Variants in OXSR1 observed in about 807,000 individuals in gnomAD.
OXSR1 encodes oxidative stress responsive kinase 1, also known as serine/threonine-protein kinase OSR1.
Under a neutral mutation model 79.8 loss-of-function variants are expected in OXSR1, and 24 were observed. The ratio of observed to expected loss-of-function variants is 0.30; its 90% CI spans 0.22 to 0.42. The LOEUF (loss-of-function observed/expected upper bound fraction) is 0.42, where lower values mean the gene tolerates loss of function less well. OXSR1 is among the 10% of genes least tolerant of loss of function. OXSR1 has a pLI of 1.00. For synonymous variants in OXSR1, 226 were observed against 209.2 expected (o/e 1.08, Z -0.69); for missense variants, 430 against 618.4 (o/e 0.70, Z 3.23).
intron 2 of OXSR1, among the ~76,000 whole-genome samples, chr3:38,186,709 G>T (rs1701892513): frequency 6.6e-6 from 1 of 152,066 alleles, no homozygotes; most frequent in South Asian, 2.1e-4. Flanking sequence ...CCTTTCATCA[G>T]TTGTTGGGCA....
At chr3:38,225,289 T>A (rs1304900531) in intron 8 of OXSR1, among the ~76,000 whole-genome samples, 1 of 152,148 alleles carries the variant, frequency 6.6e-6, no homozygotes, top group African/African-American at 2.4e-5. Context: ...CACTTGATAC[T>A]TAGTCATAGG....
intron 3 of OXSR1, among the ~76,000 whole-genome samples, chr3:38,194,480 G>T (rs894343568): frequency 6.6e-6 from 1 of 152,148 alleles, no homozygotes; most frequent in African/African-American, 2.4e-5. Context: ...TAAGGTTACG[G>T]CAAGCCATGA....
At chr3:38,251,360 A>G in intron 15 of OXSR1, 43 bp from the exon 16 acceptor site, 1 of 1,519,326 alleles carries the variant, frequency 6.6e-7, no homozygotes, top group Non-Finnish European at 9.1e-7. Flanking sequence ...AACAGTGGCA[A>G]GCACGCACAA....
At chr3:38,242,426 G>A (rs1044014611) in intron 11 of OXSR1, among the ~76,000 whole-genome samples, 2 of 152,094 alleles carry the variant, frequency 1.3e-5, no homozygotes, top group Non-Finnish European at 2.9e-5. Context: ...ATATGTTCAC[G>A]ATTAGTAGAA....
In OXSR1 at chr3:38,246,119, A is replaced by G; in HGVS notation, c.1155A>G (p.Pro385=). The G allele has an allele frequency of 1.2e-6, 2 of 1,613,832 alleles. No homozygotes were observed. The highest frequency in any genetic ancestry group is 2.2e-5 in the East Asian group (1 of 44,878). Residue 385 remains proline (P), a synonymous_variant, in exon 13 of 18, where the codon CCA becomes CCG. Coordinates refer to ENST00000311806, the MANE Select transcript of OXSR1 (RefSeq NM_005109.3). ...TDPVGTLLQV[P]EQISAHLPQP... ...CTGTGGGTACTTTGCTCCAAGTTCC[A>G]GAACAGATCTCTGCTCATCTACCTC...
At chr3:38,206,629 T>C (rs1702268552) in intron 4 of OXSR1, among the ~76,000 whole-genome samples, 1 of 152,190 alleles carries the variant, frequency 6.6e-6, no homozygotes, top group South Asian at 2.1e-4. Flanking sequence ...TTCATCGGTG[T>C]TCTGAAGTAA....
chr3:38,176,421 G>C (rs1559500127), intron 1 of OXSR1, among the ~76,000 whole-genome samples: 1 of 152,138 alleles, frequency 6.6e-6, no homozygotes, highest in Non-Finnish European at 1.5e-5. Context: ...TTTCTGTGAA[G>C]TAAATTTTTT....
At chr3:38,210,637 A>T (rs944328036) in intron 4 of OXSR1, among the ~76,000 whole-genome samples, 1 of 152,020 alleles carries the variant, frequency 6.6e-6, no homozygotes, top group South Asian at 2.1e-4. Flanking sequence ...TGTCAACTAC[A>T]ATTTAAGTTT....
At chr3:38,188,065 AG>A (rs1293016349) in intron 2 of OXSR1, among the ~76,000 whole-genome samples, 1 of 152,212 alleles carries the variant, frequency 6.6e-6, no homozygotes, top group Non-Finnish European at 1.5e-5. Context: ...AAGGAATAGA[AG>A]GCAAGAAAAA....
At chr3:38,175,829 A>C (rs1701667415) in intron 1 of OXSR1, among the ~76,000 whole-genome samples, 1 of 152,214 alleles carries the variant, frequency 6.6e-6, no homozygotes, top group Non-Finnish European at 1.5e-5. Context: ...AGGAGAGGAC[A>C]GAAGAAGAGT....
intron 17 of OXSR1, 97 bp downstream of exon 17, chr3:38,252,489 A>C (rs1703278555): frequency 1.1e-6 from 1 of 877,696 alleles, no homozygotes; most frequent in Non-Finnish European, 2.0e-6. Flanking sequence ...TGAGAATATT[A>C]AAATGTGGTG....
intron 1 of OXSR1, among the ~76,000 whole-genome samples, chr3:38,174,273 C>G (rs1207351397): frequency 1.3e-5 from 2 of 152,136 alleles, no homozygotes; most frequent in African/African-American, 4.8e-5. Context: ...TTAACGTGAC[C>G]TGACTTTCGT....
At chr3:38,212,657 C>T (rs141022483) in intron 4 of OXSR1, among the ~76,000 whole-genome samples, 26 of 152,226 alleles carry the variant, frequency 1.7e-4, no homozygotes, top group East Asian at 7.7e-4. Context: ...AAAAGTCAAG[C>T]GTGTCTGTGA....
intron 4 of OXSR1, among the ~76,000 whole-genome samples, chr3:38,213,855 T>C (rs952140329): frequency 2.0e-5 from 3 of 152,272 alleles, no homozygotes; most frequent in African/African-American, 7.2e-5. Context: ...CTCTGTGTCA[T>C]GTTTTTCTTT....
intron 4 of OXSR1, among the ~76,000 whole-genome samples, chr3:38,205,958 C>T (rs747399141): frequency 2.0e-5 from 3 of 152,220 alleles, no homozygotes; most frequent in Non-Finnish European, 2.9e-5. Context: ...TCTATTTCTT[C>T]ACTCAGCTGT....
intron 2 of OXSR1, among the ~76,000 whole-genome samples, chr3:38,186,717 GC>G (rs1294946476): frequency 6.6e-6 from 1 of 152,092 alleles, no homozygotes; most frequent in Non-Finnish European, 1.5e-5. Context: ...CAGTTGTTGG[GC>G]ATTTGGGCTG....
At chr3:38,246,545 A>G (rs886750531) in intron 13 of OXSR1, among the ~76,000 whole-genome samples, 2 of 152,188 alleles carry the variant, frequency 1.3e-5, no homozygotes, top group Non-Finnish European at 2.9e-5. Flanking sequence ...AGACTAGGAG[A>G]ATCGATGGCT....
At chr3:38,209,882 A>G (rs1419113817) in intron 4 of OXSR1, among the ~76,000 whole-genome samples, 2 of 152,146 alleles carry the variant, frequency 1.3e-5, no homozygotes, top group Non-Finnish European at 2.9e-5. Context: ...TCAGCCTCCC[A>G]AAGTGCTGGG....
At chr3:38,244,672 C>CGCGCGA (rs1277357404) in intron 12 of OXSR1, among the ~76,000 whole-genome samples, 1 of 7,908 alleles carries the variant, frequency 1.3e-4, no homozygotes, top group South Asian at 0.011. Flanking sequence ...TGTGTGCGTG[C>CGCGCGA]GCATGTACCA....
Sources: allele counts gnomAD v4.1 joint callset (sites outside exome capture counted in the v4.1 genomes callset), GRCh38; gene constraint gnomAD v4.1.1; transcripts MANE v1.5; gene names NCBI Gene and HGNC (gene_info 2026-07-23, HGNC 2026-07-21).